Variants in ADAMTS17 observed in about 807,000 individuals in gnomAD.
ADAMTS17 encodes A disintegrin and metalloproteinase with thrombospondin motifs 17.
ADAMTS17 carries 113 observed loss-of-function variants against 141.5 expected under a neutral mutation model. The observed-to-expected ratio is 0.80, with a 90% CI of 0.69 to 0.93. ADAMTS17 has a LOEUF of 0.93. ADAMTS17 is among the 40% of genes least tolerant of loss of function. The pLI is 0.00. For synonymous variants in ADAMTS17, 768 were observed against 630.6 expected, an observed-to-expected ratio of 1.22 and a Z score of -3.27; for missense variants, 1,659 against 1,517.9, an observed-to-expected ratio of 1.09 and a Z score of -1.54.
At chr15:100,267,865 T>G (rs1215869800) in intron 4 of ADAMTS17, among the ~76,000 whole-genome samples, 1 of 152,254 alleles carries the variant, frequency 6.6e-6, no homozygotes, top group African/African-American at 2.4e-5. Context: ...GCATTTATCC[T>G]TTGTCTTACA....
At chr15:100,152,837 T>G (rs893824305) in intron 9 of ADAMTS17, 75 bp from the exon 10 acceptor site, 1 of 1,568,282 alleles carries the variant, frequency 6.4e-7, no homozygotes, top group African/African-American at 1.4e-5. Flanking sequence ...CTTTTTTTTT[T>G]TGAGTTTTCA....
rs201571407 is a variant in ADAMTS17 at position 100,335,660 on chromosome 15, C to CCG, written c.451-4607_451-4606insCG. On this transcript the variant is annotated intron_variant, in intron 2 of 21. Coordinates refer to ENST00000268070, the MANE Select transcript of ADAMTS17 (RefSeq NM_139057.4). ...ATAACTAGAAAAGTCTGGGAACAGC[C>CCG]TGCAGGGCAGGAGAAGCGGCCTGTT... Among the ~76,000 whole-genome samples, 536 of 152,364 alleles carry CCG rather than the reference C, an allele frequency of 3.5e-3. 3 individuals carry two copies. The highest frequency in any genetic ancestry group is 0.012 in the African/African-American group (501 of 41,578).
chr15:100,004,906 C>G (rs1403749675), intron 18 of ADAMTS17, among the ~76,000 whole-genome samples: 2 of 152,198 alleles, frequency 1.3e-5, no homozygotes, highest in Non-Finnish European at 2.9e-5. Flanking sequence ...TAGACATGAG[C>G]AACCACACCC....
chr15:100,327,568 A>T (rs2045935951), intron 3 of ADAMTS17, among the ~76,000 whole-genome samples: 1 of 152,250 alleles, frequency 6.6e-6, no homozygotes, highest in African/African-American at 2.4e-5. Context: ...AGGAAGATTC[A>T]TAGTTACTTA....
chr15:100,151,350 C>T (rs1240360563), intron 10 of ADAMTS17, among the ~76,000 whole-genome samples: 12 of 152,212 alleles, frequency 7.9e-5, no homozygotes, highest in Admixed American at 7.8e-4. Context: ...AGGCAATGCT[C>T]CAACTGCAGG....
chr15:100,108,913 C>T, intron 14 of ADAMTS17, 76 bp downstream of exon 14: 1 of 1,607,910 alleles, frequency 6.2e-7, no homozygotes. Context: ...GACCTCTGCT[C>T]TACCCCACTC....
intron 6 of ADAMTS17, among the ~76,000 whole-genome samples, chr15:100,260,964 A>G (rs2043495137): frequency 6.6e-6 from 1 of 152,232 alleles, no homozygotes. Context: ...AAAGCAACCA[A>G]AGAAAAATCA....
At chr15:100,253,980 A>G (rs1216242717) in intron 7 of ADAMTS17, among the ~76,000 whole-genome samples, 156 bp downstream of exon 7, 1 of 152,122 alleles carries the variant, frequency 6.6e-6, no homozygotes, top group Non-Finnish European at 1.5e-5. Context: ...TTTCAGGAAA[A>G]TAAAAAAAGG....
At chr15:100,043,999 T>A (rs568881105) in intron 18 of ADAMTS17, among the ~76,000 whole-genome samples, 1 of 152,254 alleles carries the variant, frequency 6.6e-6, no homozygotes, top group Non-Finnish European at 1.5e-5. Context: ...CTTTGTTTTG[T>A]AGGTGTTTTC....
intron 4 of ADAMTS17, among the ~76,000 whole-genome samples, chr15:100,272,576 GTCTCTC>G (rs1002832126): frequency 1.4e-5 from 1 of 70,748 alleles, no homozygotes. Flanking sequence ...CATTCTCTCT[GTCTCTC>G]TCTCTGTGTG....
At chr15:100,176,280 C>T (rs112579036) in intron 8 of ADAMTS17, among the ~76,000 whole-genome samples, 61 of 152,204 alleles carry the variant, frequency 4.0e-4, no homozygotes, top group African/African-American at 6.3e-4. Context: ...GCTGCTTTAA[C>T]GAGGAGGAGG....
At chr15:100,325,414 T>C (rs1596528442) in intron 3 of ADAMTS17, among the ~76,000 whole-genome samples, 1 of 152,130 alleles carries the variant, frequency 6.6e-6, no homozygotes, top group Non-Finnish European at 1.5e-5. Flanking sequence ...AAGAGGAAAT[T>C]TGGACGGAGA....
intron 18 of ADAMTS17, among the ~76,000 whole-genome samples, chr15:100,007,372 C>T (rs1274790584): frequency 6.6e-6 from 1 of 151,608 alleles, no homozygotes; most frequent in Non-Finnish European, 1.5e-5. Flanking sequence ...TGATGGCTTT[C>T]CCCAAGGCAG....
intron 15 of ADAMTS17, among the ~76,000 whole-genome samples, chr15:100,079,585 G>A (rs965526163): frequency 7.9e-5 from 12 of 152,190 alleles, no homozygotes; most frequent in African/African-American, 2.4e-4. Flanking sequence ...TTTCTTTTGG[G>A]AATGACTGTG....
chr15:99,983,118 G>C (rs2060513599), intron 20 of ADAMTS17, among the ~76,000 whole-genome samples: 1 of 152,168 alleles, frequency 6.6e-6, no homozygotes, highest in African/African-American at 2.4e-5. Context: ...CTGAGACATT[G>C]TGCAAGCGTT....
intron 15 of ADAMTS17, among the ~76,000 whole-genome samples, chr15:100,092,232 AT>A (rs1169919012): frequency 6.6e-6 from 1 of 152,198 alleles, no homozygotes; most frequent in African/African-American, 2.4e-5. Flanking sequence ...AATTGGTTTC[AT>A]CTTACAGTTT....
chr15:100,158,508 T>A (rs1174464285), intron 8 of ADAMTS17, among the ~76,000 whole-genome samples: 1 of 152,182 alleles, frequency 6.6e-6, no homozygotes, highest in East Asian at 1.9e-4. Flanking sequence ...CAATACAGTA[T>A]TGCGGACTAC....
intron 3 of ADAMTS17, among the ~76,000 whole-genome samples, chr15:100,322,159 G>C (rs992498490): frequency 6.6e-6 from 1 of 152,174 alleles, no homozygotes. Context: ...AGGAGACTGA[G>C]GGAAGGCCTG....
chr15:100,109,609 G>A (rs1477940021), intron 13 of ADAMTS17, among the ~76,000 whole-genome samples: 1 of 152,134 alleles, frequency 6.6e-6, no homozygotes, highest in Non-Finnish European at 1.5e-5. Context: ...CAGTCGAGCT[G>A]TGCTTTGGGG....
Sources: gnomAD v4.1 joint callset for allele counts (sites outside exome capture counted in the v4.1 genomes callset) on GRCh38, gnomAD v4.1.1 for gene constraint, MANE v1.5 for transcripts, NCBI Gene and HGNC (gene_info 2026-07-23, HGNC 2026-07-21) for gene names.